Variants in ITPR2 observed in about 807,000 individuals in gnomAD.
ITPR2 encodes the protein inositol 1,4,5-trisphosphate receptor type 2, also known as inositol 1,4,5-trisphosphate-gated calcium channel ITPR2.
A neutral mutation model predicts 317.1 loss-of-function variants in ITPR2; 207 were observed. The ratio of observed to expected loss-of-function variants is 0.65; its 90% CI spans 0.58 to 0.73. The LOEUF is 0.73. Ranked by LOEUF, ITPR2 falls within the 30% of genes least tolerant of loss-of-function variation. ITPR2 has a pLI of 0.00. For missense variants in ITPR2, 2,613 were observed against 3,284.0 expected (o/e 0.80, Z 4.99); for synonymous variants, 1,156 against 1,149.1 (o/e 1.01, Z -0.12).
chr12:26,510,091 G>C (rs763406298), intron 37 of ITPR2, among the ~76,000 whole-genome samples: 1 of 151,466 alleles, frequency 6.6e-6, no homozygotes, highest in Non-Finnish European at 1.5e-5. Context: ...GGGAGGAAGA[G>C]ACATTCAAAA....
intron 45 of ITPR2, among the ~76,000 whole-genome samples, chr12:26,460,676 G>A (rs1284040586): frequency 1.3e-5 from 2 of 152,056 alleles, no homozygotes; most frequent in Admixed American, 6.5e-5. Flanking sequence ...CAGGATATAC[G>A]GTAAAAAGCA....
intron 1 of ITPR2, among the ~76,000 whole-genome samples, chr12:26,823,124 T>C (rs1950962726): frequency 6.6e-6 from 1 of 152,182 alleles, no homozygotes; most frequent in South Asian, 2.1e-4. Flanking sequence ...CTGACTCTTC[T>C]GACTTTCTGT....
chr12:26,641,242 A>C (rs1035327217), intron 21 of ITPR2, among the ~76,000 whole-genome samples: 1 of 152,142 alleles, frequency 6.6e-6, no homozygotes, highest in Non-Finnish European at 1.5e-5. Context: ...TTGTTTAAAA[A>C]AAAAAAAAAT....
At chr12:26,589,849 TATATACAC>T (rs1452964794) in intron 32 of ITPR2, among the ~76,000 whole-genome samples, 14 of 39,840 alleles carry the variant, frequency 3.5e-4, no homozygotes, top group African/African-American at 7.2e-4. Context: ...TATATATATA[TATATACAC>T]ACACACACAC....
At chr12:26,562,072 C>T in intron 34 of ITPR2, 120 bp from the exon 35 acceptor site, 1 of 674,228 alleles carries the variant, frequency 1.5e-6, no homozygotes, top group African/African-American at 1.9e-5. Flanking sequence ...CTGCCATTAA[C>T]TTGTTTTATA....
At chr12:26,541,856 T>A (rs930515993) in intron 37 of ITPR2, among the ~76,000 whole-genome samples, 9 of 152,168 alleles carry the variant, frequency 5.9e-5, no homozygotes, top group Non-Finnish European at 8.8e-5. Flanking sequence ...AAATTTCTTG[T>A]TAACTCAGGA....
intron 13 of ITPR2, among the ~76,000 whole-genome samples, chr12:26,677,263 C>A (rs1162171597): frequency 6.6e-6 from 1 of 152,064 alleles, no homozygotes; most frequent in Non-Finnish European, 1.5e-5. Context: ...AAAATGCATT[C>A]AAATAAATTT....
At chr12:26,557,860 G>GA (rs201429076) in intron 35 of ITPR2, among the ~76,000 whole-genome samples, 1,862 of 150,680 alleles carry the variant, frequency 0.012, 19 homozygotes, top group Middle Eastern at 0.034. Flanking sequence ...TACATTAGAA[G>GA]AAAAAAAAAC....
At chr12:26,544,944 T>C (rs1944357762) in intron 37 of ITPR2, among the ~76,000 whole-genome samples, 1 of 152,126 alleles carries the variant, frequency 6.6e-6, no homozygotes, top group East Asian at 1.9e-4. Flanking sequence ...TGTGTATGTG[T>C]TAGAATTGTT....
At chr12:26,666,136 AGAT>A in intron 13 of ITPR2, 85 bp from the exon 14 acceptor site, 1 of 320,038 alleles carries the variant, frequency 3.1e-6, no homozygotes, top group Non-Finnish European at 4.8e-6. Flanking sequence ...AGGTAGGTAG[AGAT>A]AGATAGATAG....
At chr12:26,414,048 TGTACACACACAC>T (rs1031232694) in intron 51 of ITPR2, among the ~76,000 whole-genome samples, 7 of 49,032 alleles carry the variant, frequency 1.4e-4, no homozygotes, top group South Asian at 1.1e-3. Context: ...CATGTATATA[TGTACACACACAC>T]ACACACACAC....
In ITPR2 at chr12:26,673,113, A is replaced by G. The variant is rs373841723; in HGVS notation, c.1410-7062T>C. On this transcript the variant is annotated intron_variant, in intron 13 of 56. Coordinates refer to ENST00000381340, the MANE Select transcript of ITPR2 (RefSeq NM_002223.4). ...GATTCACAGCCGAATTCTACCAGAG[A>G]TACAAGGAGGAACTGGTATCATTCC... is the stretch of plus-strand genomic sequence containing the variant. 2.0e-5 allele frequency among the ~76,000 whole-genome samples: 3 copies of G among 152,318 alleles called. No individual in the cohort carries two copies. In the South Asian group the frequency reaches 6.2e-4, roughly 32 times the overall value.
At chr12:26,728,832 T>C (rs1265733677) in intron 2 of ITPR2, among the ~76,000 whole-genome samples, 1 of 152,234 alleles carries the variant, frequency 6.6e-6, no homozygotes, top group Non-Finnish European at 1.5e-5. Context: ...TGATATTGCT[T>C]CATTCTTTCA....
chr12:26,517,639 A>C (rs1943559363), intron 37 of ITPR2, among the ~76,000 whole-genome samples: 1 of 152,206 alleles, frequency 6.6e-6, no homozygotes, highest in Non-Finnish European at 1.5e-5. Flanking sequence ...GAAGCTCGAG[A>C]CCAGCCTGGC....
intron 55 of ITPR2, among the ~76,000 whole-genome samples, chr12:26,346,744 AC>A (rs1938324161): frequency 6.6e-6 from 1 of 152,090 alleles, no homozygotes; most frequent in South Asian, 2.1e-4. Flanking sequence ...GAGTCAGGAC[AC>A]CCCGGTTCTT....
chr12:26,357,643 G>A (rs1478031469), intron 55 of ITPR2, among the ~76,000 whole-genome samples: 2 of 152,256 alleles, frequency 1.3e-5, no homozygotes, highest in Admixed American at 6.5e-5. Context: ...CTCCCAAAGT[G>A]TGGCTGGCAT....
chr12:26,712,453 A>G (rs191579106), intron 8 of ITPR2, among the ~76,000 whole-genome samples: 22 of 152,340 alleles, frequency 1.4e-4, no homozygotes, highest in Non-Finnish European at 2.5e-4. Flanking sequence ...GAGGTCTTAC[A>G]AAACACTCCC....
chr12:26,628,201 T>G, intron 22 of ITPR2, 39 bp from the exon 23 acceptor site: 1 of 1,511,168 alleles, frequency 6.6e-7, no homozygotes, highest in Non-Finnish European at 9.0e-7. Flanking sequence ...TTTCTTTCAT[T>G]AGCATAGTAT....
intron 1 of ITPR2, among the ~76,000 whole-genome samples, chr12:26,801,741 G>A (rs1228545956): frequency 6.6e-6 from 1 of 152,160 alleles, no homozygotes; most frequent in African/African-American, 2.4e-5. Context: ...GGTTGTACAT[G>A]TGCCAAAAGT....
Sources: allele counts gnomAD v4.1 joint callset (sites outside exome capture counted in the v4.1 genomes callset), GRCh38; gene constraint gnomAD v4.1.1; transcripts MANE v1.5; gene names NCBI Gene and HGNC (gene_info 2026-07-23, HGNC 2026-07-21).